GNL2: variants seen among roughly 807,000 people sequenced by gnomAD.
GNL2 encodes the protein nucleolar GTP-binding protein 2.
GNL2 carries 51 observed loss-of-function variants against 92.3 expected under a neutral mutation model. The ratio of observed to expected loss-of-function variants is 0.55; its 90% confidence interval spans 0.44 to 0.70. GNL2 has a LOEUF of 0.70. Ranked by LOEUF, GNL2 falls within the 30% of genes least tolerant of loss-of-function variation. The pLI is 0.00. For synonymous variants in GNL2, 283 were observed against 300.6 expected, an observed-to-expected ratio of 0.94 and a Z score of 0.61; for missense variants, 844 against 895.6, an observed-to-expected ratio of 0.94 and a Z score of 0.74.
intron 4 of GNL2, among the ~76,000 whole-genome samples, chr1:37,589,930 G>A (rs2148143562): frequency 6.6e-6 from 1 of 152,266 alleles, no homozygotes; most frequent in South Asian, 2.1e-4. Context: ...ATTCTACGCT[G>A]TCCCAAAGTT....
chr1:37,579,195 A>T (rs1643724806), intron 8 of GNL2, among the ~76,000 whole-genome samples: 1 of 152,178 alleles, frequency 6.6e-6, no homozygotes, highest in Non-Finnish European at 1.5e-5. Flanking sequence ...GCTCTCAGAA[A>T]TTAAAAATTA....
intron 12 of GNL2, among the ~76,000 whole-genome samples, chr1:37,571,838 A>T (rs1463748831): frequency 6.6e-6 from 1 of 152,150 alleles, no homozygotes. Context: ...GTGTTTCCAC[A>T]CAGGGTCCCA....
Position 37,595,932 on chromosome 1 carries a change from G to A in GNL2, c.-110C>T, listed in dbSNP as rs1643921579. On this transcript the variant is annotated 5_prime_UTR_variant, in exon 1 of 16. The change creates a new upstream start codon in the 5' untranslated region. Coordinates refer to ENST00000373062, the MANE Select transcript of GNL2 (RefSeq NM_013285.3). ...ACCCGCCTGAACCACGCCGGACCAC[G>A]TGTGCACGACGTACGTCACTTCCGC... 3 of 856,908 alleles carry A rather than the reference G, an allele frequency of 3.5e-6. No homozygotes were observed. The highest frequency in any genetic ancestry group is 1.9e-5 in the Admixed American group (1 of 52,290). 53.1% of individuals were successfully genotyped at this position (856,908 alleles called of 1,614,324 possible).
intron 8 of GNL2, among the ~76,000 whole-genome samples, chr1:37,579,895 C>CAAAAAAAAAAAAA (rs34353424): frequency 1.4e-5 from 1 of 73,884 alleles, no homozygotes; most frequent in Non-Finnish European, 2.6e-5. Flanking sequence ...GACTCTGCCT[C>CAAAAAAAAAAAAA]AAAAAAAAAA....
intron 8 of GNL2, among the ~76,000 whole-genome samples, chr1:37,578,147 T>C (rs1643707490): frequency 6.6e-6 from 1 of 151,968 alleles, no homozygotes; most frequent in Admixed American, 6.6e-5. Flanking sequence ...CAACAAAAAA[T>C]TTGGGTCCCA....
intron 12 of GNL2, among the ~76,000 whole-genome samples, chr1:37,573,280 A>G (rs1643623027): frequency 6.6e-6 from 1 of 152,224 alleles, no homozygotes; most frequent in Non-Finnish European, 1.5e-5. Context: ...TGCAACTTGG[A>G]ATGGGGTCAG....
In GNL2 at chr1:37,569,287, A is replaced by C; in HGVS notation, c.1432T>G (p.Ser478Ala). The C allele has an allele frequency of 6.2e-7, 1 of 1,610,262 alleles. No homozygotes were observed. The highest frequency in any genetic ancestry group is 1.3e-5 in the African/African-American group (1 of 75,006). The change falls in exon 13 of 16, where the codon TCT (serine) becomes GCT (alanine). Residue 478 changes from serine to alanine, a missense_variant. Ser to Ala is a moderately conservative substitution (Grantham distance 99). Transcript: ENST00000373062. The part of the protein sequence containing the change: ...LVAPQLLPSS[S>A]LEVVPEAAQN... ...GCTGCTTCTGGGACAACTTCCAAAG[A>C]TGAGGAGGGTAGAAGCTATTAAGGG...
chr1:37,585,750 A>G (rs111250467), intron 5 of GNL2, among the ~76,000 whole-genome samples: 61 of 152,276 alleles, frequency 4.0e-4, no homozygotes, highest in African/African-American at 1.4e-3. Flanking sequence ...AGGTGGCCCA[A>G]TGCTTGAAGA....
chr1:37,567,898 AAGCAGGCCAAGGGG>A lies in GNL2; in HGVS notation c.1952-148_1952-135del, dbSNP rs576098467. On this transcript the variant is annotated intron_variant, in intron 14 of 15. Transcript: ENST00000373062. ...GAGCAGGTGAGCACAGTGGTGAGTA[AAGCAGGCCAAGGGG>A]AGGCTGCCAGGTAAAAGGATGCCCT... 453 of 676,196 alleles carry A rather than the reference AAGCAGGCCAAGGGG, an allele frequency of 6.7e-4. 10 individuals carry two copies. In the South Asian group the frequency reaches 7.6e-3, roughly 11 times the overall value. The allele number at this position is 676,196 out of a possible 1,614,324, so 41.9% of individuals were successfully genotyped here.
intron 8 of GNL2, among the ~76,000 whole-genome samples, chr1:37,577,056 G>A (rs1372456100): frequency 8.0e-5 from 12 of 149,884 alleles, no homozygotes; most frequent in Admixed American, 8.0e-4. Context: ...AAGTTGCAGG[G>A]AACCAAGATC....
intron 12 of GNL2, 156 bp from the exon 13 acceptor site, chr1:37,569,458 A>G (rs1015064054): frequency 1.2e-5 from 7 of 605,862 alleles, no homozygotes; most frequent in African/African-American, 1.9e-5. Flanking sequence ...TGTATTTTTA[A>G]ACCAATGTAC....
chr1:37,569,902 C>T (rs1643569200), intron 12 of GNL2: 1 of 152,366 alleles, frequency 6.6e-6, no homozygotes, highest in Admixed American at 6.5e-5. Context: ...AATTAAGTCT[C>T]ACGAGAGCTG....
chr1:37,567,860 C>A, intron 14 of GNL2, 96 bp from the exon 15 acceptor site: 2 of 921,014 alleles, frequency 2.2e-6, no homozygotes, highest in East Asian at 2.4e-5. Flanking sequence ...GAGGAGGACA[C>A]CCAATGTGGA....
At chr1:37,569,564 A>G (rs751539543) in intron 12 of GNL2, 1 of 375,096 alleles carries the variant, frequency 2.7e-6, no homozygotes, top group Non-Finnish European at 4.8e-6. Flanking sequence ...AAACCAACCA[A>G]TGATTTATCA....
intron 11 of GNL2, 77 bp from the exon 12 acceptor site, chr1:37,574,533 T>C: frequency 1.4e-6 from 2 of 1,405,140 alleles, no homozygotes; most frequent in Non-Finnish European, 2.0e-6. Flanking sequence ...ATTTCAGTTG[T>C]CCCAGGGGTT....
At chr1:37,574,921 C>CA in intron 10 of GNL2, 98 bp from the exon 11 acceptor site, 1 of 822,200 alleles carries the variant, frequency 1.2e-6, no homozygotes, top group South Asian at 1.6e-5. Flanking sequence ...TAGACTTCAA[C>CA]ATCACAAAGC....
chr1:37,569,882 T>C (rs1643568870), intron 12 of GNL2: 1 of 152,444 alleles, frequency 6.6e-6, no homozygotes, highest in Admixed American at 6.5e-5. Context: ...CCCATGCCGC[T>C]CCTATGATGA....
In GNL2 at chr1:37,595,737, C is replaced by G. The variant is rs780119304; in HGVS notation, c.64+22G>C. On this transcript the variant is annotated intron_variant, in intron 1 of 15. Coordinates refer to ENST00000373062, the MANE Select transcript of GNL2 (RefSeq NM_013285.3). ...CTATACTTCCTCCAAGCTCCACCCT[C>G]GATCAGCCCTGCCGCCTGTACCTGG... The G allele has an allele frequency of 8.7e-6, 14 of 1,610,496 alleles. No individual in the cohort carries two copies. The East Asian group carries it at 2.2e-4, about 26-fold the overall frequency.
rs1431894485 is a variant in GNL2 at position 37,587,508 on chromosome 1, G to A, written c.385-13C>T. The A allele has an allele frequency of 1.2e-5, 19 of 1,568,510 alleles. No homozygotes were observed. The highest frequency in any genetic ancestry group is 1.5e-5 in the Non-Finnish European group (17 of 1,147,918). On this transcript the variant is annotated splice_polypyrimidine_tract_variant and intron_variant, in intron 4 of 15. Coordinates refer to ENST00000373062, the MANE Select transcript of GNL2 (RefSeq NM_013285.3). ...GCACCTTCAAGTTCTGAAGAGAAAG[G>A]AGAATAACAGGTAAAACTAAGAAAA...
Sources: allele counts gnomAD v4.1 joint callset (sites outside exome capture counted in the v4.1 genomes callset), GRCh38; gene constraint gnomAD v4.1.1; transcripts MANE v1.5; gene names NCBI Gene and HGNC (gene_info 2026-07-23, HGNC 2026-07-21).